Variants in CEP290 observed in about 807,000 individuals in gnomAD.
CEP290 encodes centrosomal protein of 290 kDa.
CEP290 carries 317 observed loss-of-function variants against 344.9 expected under a neutral mutation model. The ratio of observed to expected loss-of-function variants is 0.92; its 90% confidence interval spans 0.84 to 1.01. The LOEUF (loss-of-function observed/expected upper bound fraction) is 1.01, where lower values mean the gene tolerates loss of function less well. Ranked by LOEUF, CEP290 falls within the 50% of genes least tolerant of loss-of-function variation. CEP290 has a pLI of 0.00. For missense variants in CEP290, 2,754 were observed against 2,761.4 expected (o/e 1.00, Z 0.06); for synonymous variants, 932 against 895.8 (o/e 1.04, Z -0.72).
intron 50 of CEP290, 91 bp downstream of exon 50, chr12:88,055,485 G>T: frequency 8.6e-7 from 1 of 1,158,902 alleles, no homozygotes; most frequent in Non-Finnish European, 1.2e-6. Flanking sequence ...CTTCTTAATA[G>T]AGTCCATTTT....
At chr12:88,119,700 G>A (rs2039285945) in intron 15 of CEP290, among the ~76,000 whole-genome samples, 1 of 152,122 alleles carries the variant, frequency 6.6e-6, no homozygotes, top group Non-Finnish European at 1.5e-5. Context: ...TCAGGAGGCA[G>A]AGGCAGGAGA....
At chr12:88,073,843 C>G (rs781280087) in intron 41 of CEP290, among the ~76,000 whole-genome samples, 43 of 152,148 alleles carry the variant, frequency 2.8e-4, no homozygotes, top group Admixed American at 1.4e-3. Flanking sequence ...TTCTCGAATA[C>G]TAGAGAACTA....
intron 20 of CEP290, among the ~76,000 whole-genome samples, chr12:88,114,021 A>C (rs1296822559): frequency 6.6e-6 from 1 of 152,076 alleles, no homozygotes; most frequent in Non-Finnish European, 1.5e-5. Context: ...GCAGGGTGCA[A>C]TTGCAGAGAT....
intron 43 of CEP290, among the ~76,000 whole-genome samples, chr12:88,070,082 G>A (rs992963184): frequency 6.6e-6 from 1 of 152,166 alleles, no homozygotes; most frequent in African/African-American, 2.4e-5. Context: ...AACTTGGAAA[G>A]AGATTGTAAA....
In CEP290 at chr12:88,062,550, T is replaced by C. The variant is rs1255613932; in HGVS notation, c.6357+142A>G. ...GAGACACATAGAAATGCTTACTGTT[T>C]TATATTACAGATGCAGAATAAACAC... On this transcript the variant is annotated intron_variant, in intron 46 of 53. Coordinates refer to ENST00000552810, the MANE Select transcript of CEP290 (RefSeq NM_025114.4). The C allele has an allele frequency of 6.7e-6, 4 of 597,020 alleles. No homozygotes were observed. In the East Asian group the frequency reaches 1.1e-4, roughly 17 times the overall value. 37.0% of individuals were successfully genotyped at this position (597,020 alleles called of 1,614,324 possible).
intron 52 of CEP290, among the ~76,000 whole-genome samples, chr12:88,051,197 T>G (rs987511840): frequency 1.5e-5 from 2 of 136,306 alleles, no homozygotes; most frequent in Non-Finnish European, 3.2e-5. Flanking sequence ...CAAGTATCTT[T>G]TTTTTTTTTT....
intron 10 of CEP290, among the ~76,000 whole-genome samples, chr12:88,129,313 T>A (rs1460819076): frequency 6.6e-6 from 1 of 151,934 alleles, no homozygotes; most frequent in Non-Finnish European, 1.5e-5. Context: ...AACATTATTC[T>A]ACCTTTTAAA....
intron 11 of CEP290, among the ~76,000 whole-genome samples, chr12:88,128,465 T>C (rs2039864900): frequency 6.6e-6 from 1 of 152,168 alleles, no homozygotes; most frequent in Non-Finnish European, 1.5e-5. Flanking sequence ...ACAATTTGGT[T>C]AAGGTTGGAG....
intron 39 of CEP290, among the ~76,000 whole-genome samples, chr12:88,078,192 T>C (rs2035928196): frequency 6.6e-6 from 1 of 150,390 alleles, no homozygotes; most frequent in African/African-American, 2.4e-5. Flanking sequence ...TTATCAAATA[T>C]GCACGTTTCA....
chr12:88,110,448 C>T (rs1012761772), intron 22 of CEP290, among the ~76,000 whole-genome samples: 7 of 152,060 alleles, frequency 4.6e-5, no homozygotes, highest in Non-Finnish European at 7.4e-5. Flanking sequence ...CAGTGGCTCA[C>T]GTCTGTAACC....
intron 35 of CEP290, 145 bp downstream of exon 35, chr12:88,084,441 G>A: frequency 1.3e-6 from 1 of 754,224 alleles, no homozygotes; most frequent in Non-Finnish European, 2.1e-6. Flanking sequence ...TGACAGAGGT[G>A]TAATCCAATC....
chr12:88,061,815 G>A (rs1025853597), intron 46 of CEP290, among the ~76,000 whole-genome samples: 1 of 150,470 alleles, frequency 6.6e-6, no homozygotes, highest in African/African-American at 2.4e-5. Context: ...GTCTCGCTCT[G>A]TCGCCCAGGC....
chr12:88,122,204 T>A (rs1161838394), intron 13 of CEP290, among the ~76,000 whole-genome samples: 1 of 152,144 alleles, frequency 6.6e-6, no homozygotes, highest in African/African-American at 2.4e-5. Context: ...GTATCTATTC[T>A]CCCTTCCATC....
Position 88,071,465 on chromosome 12 carries a change from T to A in CEP290, c.5856-16A>T, listed in dbSNP as rs372444243. On this transcript the variant is annotated splice_polypyrimidine_tract_variant and intron_variant, in intron 42 of 53. Transcript: ENST00000552810. ...TTTATCGGCTCTGTGGAATTTAATA[T>A]AGAATCATGAAATATACCATTCAGT... 1.8e-5 allele frequency: 29 copies of A among 1,583,806 alleles called. 1 individual carries two copies. The highest frequency in any genetic ancestry group is 2.7e-5 in the African/African-American group (2 of 72,994).
intron 44 of CEP290, among the ~76,000 whole-genome samples, chr12:88,066,575 T>C (rs888554705): frequency 6.6e-6 from 1 of 151,474 alleles, no homozygotes; most frequent in African/African-American, 2.4e-5. Context: ...GTGCTGGGAT[T>C]GCAGGCATGA....
chr12:88,072,168 A>G (rs2035428492), intron 41 of CEP290, among the ~76,000 whole-genome samples: 1 of 152,182 alleles, frequency 6.6e-6, no homozygotes, highest in Non-Finnish European at 1.5e-5. Context: ...ATAATGAGAT[A>G]TCTTAGGGAT....
chr12:88,105,439 A>G (rs1328023558), intron 25 of CEP290, among the ~76,000 whole-genome samples: 1 of 152,222 alleles, frequency 6.6e-6, no homozygotes, highest in South Asian at 2.1e-4. Flanking sequence ...AGAGAAAAGC[A>G]TTTATCTTGC....
At chr12:88,115,827 ATC>A in intron 18 of CEP290, 1 of 984,526 alleles carries the variant, frequency 1.0e-6, no homozygotes, top group Non-Finnish European at 1.2e-6. Context: ...AAGAGAATTT[ATC>A]TGAGATAATT....
chr12:88,141,499 A>G (rs1434004499), intron 1 of CEP290, among the ~76,000 whole-genome samples, 165 bp from the exon 2 acceptor site: 1 of 142,520 alleles, frequency 7.0e-6, no homozygotes, highest in Non-Finnish European at 1.6e-5. Context: ...CTTGATCAAA[A>G]ATAGCAGTCG....
Sources: gnomAD v4.1 joint callset for allele counts (sites outside exome capture counted in the v4.1 genomes callset) on GRCh38, gnomAD v4.1.1 for gene constraint, MANE v1.5 for transcripts, NCBI Gene and HGNC (gene_info 2026-07-23, HGNC 2026-07-21) for gene names.